MRPL13: variants seen among roughly 807,000 people sequenced by gnomAD.
MRPL13 encodes large ribosomal subunit protein uL13m.
In MRPL13, 33 loss-of-function variants were observed where a neutral mutation model predicts 29.0. The ratio of observed to expected loss-of-function variants is 1.14; its 90% confidence interval spans 0.86 to 1.52. MRPL13 has a LOEUF of 1.52. Ranked by LOEUF, MRPL13 falls within the 40% of genes most tolerant of loss-of-function variation. MRPL13 has a pLI of 0.00. For synonymous variants in MRPL13, 77 were observed against 68.4 expected (o/e 1.13, Z -0.62); for missense variants, 227 against 216.7 (o/e 1.05, Z -0.30).
At chr8:120,396,779 T>C (rs1428008437) in intron 6 of MRPL13, among the ~76,000 whole-genome samples, 1 of 152,250 alleles carries the variant, frequency 6.6e-6, no homozygotes, top group Non-Finnish European at 1.5e-5. Flanking sequence ...CAATTTGTCC[T>C]GTTATCTTTT....
At chr8:120,404,267 T>A (rs963777079) in intron 6 of MRPL13, among the ~76,000 whole-genome samples, 3 of 152,170 alleles carry the variant, frequency 2.0e-5, no homozygotes, top group Admixed American at 1.3e-4. Flanking sequence ...CTCCACTCAA[T>A]AGAATTAAAT....
At chr8:120,416,480 C>T (rs981977263) in intron 5 of MRPL13, among the ~76,000 whole-genome samples, 2 of 151,942 alleles carry the variant, frequency 1.3e-5, no homozygotes, top group South Asian at 2.1e-4. Flanking sequence ...GGTGACAGAG[C>T]GAGACTCCGT....
intron 2 of MRPL13, among the ~76,000 whole-genome samples, chr8:120,440,960 G>A (rs1021045420): frequency 3.3e-5 from 5 of 151,770 alleles, no homozygotes; most frequent in African/African-American, 7.3e-5. Flanking sequence ...ATGATGAGAC[G>A]TGCCAGAGTT....
chr8:120,402,890 T>C (rs1231328986), intron 6 of MRPL13, among the ~76,000 whole-genome samples: 1 of 151,878 alleles, frequency 6.6e-6, no homozygotes, highest in African/African-American at 2.4e-5. Flanking sequence ...AACAAACATA[T>C]GAAAAAAAGC....
chr8:120,396,960 C>A (rs1479222079), intron 6 of MRPL13, among the ~76,000 whole-genome samples: 6 of 152,164 alleles, frequency 3.9e-5, no homozygotes, highest in Non-Finnish European at 4.4e-5. Context: ...ACTGAAATAT[C>A]CAGGTTTTCA....
chr8:120,415,604 G>A (rs1047618414), intron 5 of MRPL13: 2 of 152,052 alleles, frequency 1.3e-5, no homozygotes, highest in Non-Finnish European at 2.9e-5. Context: ...ATTGTGGTTT[G>A]GATAGGCTGG....
At chr8:120,429,073 T>C (rs997430681) in intron 3 of MRPL13, among the ~76,000 whole-genome samples, 2 of 152,158 alleles carry the variant, frequency 1.3e-5, no homozygotes, top group African/African-American at 4.8e-5. Context: ...CTATTCATTA[T>C]AGTAAAGACA....
intron 6 of MRPL13, among the ~76,000 whole-genome samples, chr8:120,400,515 CA>C (rs978886426): frequency 7.9e-5 from 12 of 151,688 alleles, no homozygotes; most frequent in African/African-American, 2.7e-4. Context: ...ATGCCCACGA[CA>C]AAAAGCTACT....
rs117482830 is a variant in MRPL13, at chr8:120,396,809, G to T, written c.516-684C>A. Among the ~76,000 whole-genome samples the T allele has an allele frequency of 1.1e-4, 17 of 152,332 alleles. No homozygotes were observed. The East Asian group carries it at 3.3e-3, about 29-fold the overall frequency. ...TCTTTTCAAAAGTGTATTTGTAGGT[G>T]TTGGGTTTCCATATGGAATTTTCTG... On this transcript the variant is annotated intron_variant, in intron 6 of 6. Coordinates refer to ENST00000306185, the MANE Select transcript of MRPL13 (RefSeq NM_014078.6).
intron 6 of MRPL13, among the ~76,000 whole-genome samples, chr8:120,399,588 A>C (rs1241195264): frequency 6.6e-6 from 1 of 152,156 alleles, no homozygotes; most frequent in African/African-American, 2.4e-5. Flanking sequence ...CCACATAAAC[A>C]AGTCTGCAAA....
chr8:120,422,508 T>C (rs1404562697), intron 4 of MRPL13, among the ~76,000 whole-genome samples: 1 of 150,200 alleles, frequency 6.7e-6, no homozygotes, highest in African/African-American at 2.4e-5. Context: ...ATTTTCCATC[T>C]GTTTTCTATT....
intron 4 of MRPL13, among the ~76,000 whole-genome samples, chr8:120,423,273 A>G (rs1812894319): frequency 6.6e-6 from 1 of 151,998 alleles, no homozygotes; most frequent in Non-Finnish European, 1.5e-5. Context: ...AAAGAGAGGT[A>G]CTGAATCATG....
intron 3 of MRPL13, among the ~76,000 whole-genome samples, chr8:120,427,590 G>T (rs1812945207): frequency 6.6e-6 from 1 of 152,050 alleles, no homozygotes. Flanking sequence ...GCCACAAAAA[G>T]AATAAAATAC....
At chr8:120,419,494 C>T (rs1339961588) in intron 5 of MRPL13, among the ~76,000 whole-genome samples, 1 of 151,902 alleles carries the variant, frequency 6.6e-6, no homozygotes, top group Non-Finnish European at 1.5e-5. Flanking sequence ...AGTTTTGCTA[C>T]TGGTCACATA....
chr8:120,436,261 T>C (rs1813053023), intron 2 of MRPL13, among the ~76,000 whole-genome samples: 1 of 152,186 alleles, frequency 6.6e-6, no homozygotes, highest in African/African-American at 2.4e-5. Flanking sequence ...TGCCATATTC[T>C]TTTCCAGAGT....
At chr8:120,431,093 A>C (rs1020733258) in intron 3 of MRPL13, among the ~76,000 whole-genome samples, 5 of 152,178 alleles carry the variant, frequency 3.3e-5, no homozygotes, top group African/African-American at 1.2e-4. Flanking sequence ...AAGGGGAGGA[A>C]TGGGCAAAGG....
At position 120,443,079 on chromosome 8, in the gene MRPL13, G is replaced by A. The variant is rs954669110; in HGVS notation, c.151+106C>T. On this transcript the variant is annotated intron_variant, in intron 2 of 6. Transcript: ENST00000306185. ...GCAAGAATGGAATACAGGATCCTCA[G>A]GAAAAATAAAAAGGGCCCTTAAACT... 5 of 1,137,362 alleles carry A rather than the reference G, an allele frequency of 4.4e-6. No homozygotes were observed. The African/African-American group carries it at 4.8e-5, about 11-fold the overall frequency. The allele number at this position is 1,137,362 out of a possible 1,614,324, so 70.5% of individuals were successfully genotyped here. A position where few individuals can be genotyped will look rare whatever the true frequency, so the allele number is the denominator to read the frequency against.
At chr8:120,418,087 A>G (rs966207605) in intron 5 of MRPL13, among the ~76,000 whole-genome samples, 12 of 152,144 alleles carry the variant, frequency 7.9e-5, no homozygotes, top group African/African-American at 2.9e-4. Flanking sequence ...TAGCGCACAT[A>G]AATATATGCT....
intron 4 of MRPL13, 149 bp from the exon 5 acceptor site, chr8:120,420,087 C>T (rs1812852483): frequency 4.7e-6 from 2 of 427,052 alleles, no homozygotes; most frequent in Non-Finnish European, 8.0e-6. Flanking sequence ...GTGGAAGCAA[C>T]AGAAAAGAAA....
Sources: gnomAD v4.1 joint callset for allele counts (sites outside exome capture counted in the v4.1 genomes callset) on GRCh38, gnomAD v4.1.1 for gene constraint, MANE v1.5 for transcripts, NCBI Gene and HGNC (gene_info 2026-07-23, HGNC 2026-07-21) for gene names.